BCL7A: variants seen among roughly 807,000 people sequenced by gnomAD.
BCL7A encodes the protein B-cell CLL/lymphoma 7 protein family member A.
A neutral mutation model predicts 28.4 loss-of-function variants in BCL7A; 11 were observed. The observed-to-expected ratio is 0.39, with a 90% CI of 0.24 to 0.64. The LOEUF is 0.64. Ranked by LOEUF, BCL7A falls within the 30% of genes least tolerant of loss-of-function variation. The probability of loss-of-function intolerance (pLI) is 0.50; values close to 1 mark genes in which losing one functional copy is unlikely to be tolerated. For synonymous variants in BCL7A, 123 were observed against 103.3 expected (o/e 1.19, Z -1.15); for missense variants, 222 against 274.8 (o/e 0.81, Z 1.36).
chr12:122,023,424 T>A (rs1033115700), intron 1 of BCL7A, among the ~76,000 whole-genome samples: 25 of 151,696 alleles, frequency 1.6e-4, no homozygotes, highest in African/African-American at 5.6e-4. Flanking sequence ...AGCGCCTCGG[T>A]CTCTAAAAGC....
intron 1 of BCL7A, among the ~76,000 whole-genome samples, chr12:122,024,322 T>C (rs896863708): frequency 6.6e-6 from 1 of 152,224 alleles, no homozygotes; most frequent in Non-Finnish European, 1.5e-5. Flanking sequence ...TGTGCTTGGC[T>C]TCCAGGTCCC....
chr12:122,022,634 G>C (rs1883491744), intron 1 of BCL7A, among the ~76,000 whole-genome samples: 1 of 145,438 alleles, frequency 6.9e-6, no homozygotes, highest in Admixed American at 6.8e-5. Context: ...CTCCGAGCGG[G>C]CCGCCGCCGC....
chr12:122,039,105 G>C (rs1345698155), intron 3 of BCL7A, among the ~76,000 whole-genome samples: 1 of 151,892 alleles, frequency 6.6e-6, no homozygotes, highest in Admixed American at 6.6e-5. Context: ...GACCATCCTG[G>C]CTAACACGGT....
chr12:122,028,144 G>A (rs902949222), intron 1 of BCL7A, among the ~76,000 whole-genome samples: 3 of 152,158 alleles, frequency 2.0e-5, no homozygotes, highest in Non-Finnish European at 4.4e-5. Context: ...TAATGTTCTT[G>A]CCTCTGTCCC....
intron 1 of BCL7A, among the ~76,000 whole-genome samples, chr12:122,027,845 A>T (rs937690035): frequency 6.6e-6 from 1 of 150,792 alleles, no homozygotes; most frequent in African/African-American, 2.5e-5. Flanking sequence ...TCAAAAAAAT[A>T]AAAAAAATAA....
intron 2 of BCL7A, among the ~76,000 whole-genome samples, chr12:122,033,460 C>T (rs1253581453): frequency 2.0e-5 from 3 of 152,122 alleles, no homozygotes; most frequent in Admixed American, 6.5e-5. Context: ...ACTACAGGCG[C>T]GCGCCACCAC....
At chr12:122,032,948 G>A (rs1420664913) in intron 2 of BCL7A, among the ~76,000 whole-genome samples, 1 of 152,178 alleles carries the variant, frequency 6.6e-6, no homozygotes, top group African/African-American at 2.4e-5. Context: ...GTCTCTGCAG[G>A]TTGAGGCTGG....
chr12:122,024,243 C>T (rs1883558686), intron 1 of BCL7A, among the ~76,000 whole-genome samples: 1 of 152,188 alleles, frequency 6.6e-6, no homozygotes. Flanking sequence ...GTCCAGCTTC[C>T]AGTTCACTTC....
rs547026636 is a variant in BCL7A at position 122,061,425 on chromosome 12, G to A, written c.*2262G>A. ...ATTGGGACCAGCTGGGCCCCACCAC[G>A]GCCACGCCAGGCAAAGCGCCAGCAG... On this transcript the variant is annotated 3_prime_UTR_variant, in exon 6 of 6. Transcript: ENST00000261822. The A allele has an allele frequency of 1.3e-5, 3 of 231,318 alleles. No homozygotes were observed. Among genetic ancestry groups the A allele is most frequent in the South Asian group, 3.6e-4 (2 of 5,492 alleles). 14.3% of individuals were successfully genotyped at this position (231,318 alleles called of 1,614,324 possible). A position where few individuals can be genotyped will look rare whatever the true frequency, so the allele number is the denominator to read the frequency against.
intron 1 of BCL7A, among the ~76,000 whole-genome samples, chr12:122,023,266 C>T (rs889319580): frequency 6.6e-6 from 1 of 152,204 alleles, no homozygotes; most frequent in Non-Finnish European, 1.5e-5. Flanking sequence ...CACGCCTTCA[C>T]TGGGGTCCCG....
At position 122,049,028 on chromosome 12, in the gene BCL7A, A is replaced by AT. The variant is rs1336587519; in HGVS notation, c.439+4975_439+4976insT. ...GAGAGTGAAACGTGTAAAAAAAAAA[A>AT]AAAAAAAATATATATATATATATAT... is the stretch of plus-strand genomic sequence containing the variant. On this transcript the variant is annotated intron_variant, in intron 4 of 5. Coordinates refer to ENST00000261822, the MANE Select transcript of BCL7A (RefSeq NM_001024808.3). Among the ~76,000 whole-genome samples, 392 of 75,568 alleles carry AT rather than the reference A, an allele frequency of 5.2e-3. 2 individuals carry two copies. The highest frequency in any genetic ancestry group is 7.7e-3 in the Non-Finnish European group (285 of 36,858). 49.6% of individuals were successfully genotyped at this position (75,568 alleles called of 152,430 possible).
chr12:122,043,093 C>G (rs1364411839), intron 3 of BCL7A, among the ~76,000 whole-genome samples: 1 of 151,848 alleles, frequency 6.6e-6, no homozygotes, highest in Non-Finnish European at 1.5e-5. Flanking sequence ...CTGTCTCTCT[C>G]TCCCTTTTAT....
chr12:122,022,911 G>C (rs1489249516), intron 1 of BCL7A, among the ~76,000 whole-genome samples: 1 of 152,174 alleles, frequency 6.6e-6, no homozygotes, highest in Non-Finnish European at 1.5e-5. Context: ...CGGGCGGGGG[G>C]CTCGGGCCAG....
At chr12:122,052,772 T>A (rs10770189) in intron 4 of BCL7A, among the ~76,000 whole-genome samples, 71,567 of 149,646 alleles carry the variant, frequency 0.48, 17,393 homozygotes, top group African/African-American at 0.59. Context: ...AACCTCCGCC[T>A]CCTGGGTTTA....
chr12:122,036,696 T>G (rs1883863424), intron 3 of BCL7A, among the ~76,000 whole-genome samples: 1 of 147,190 alleles, frequency 6.8e-6, no homozygotes, highest in South Asian at 2.2e-4. Flanking sequence ...CCCTCAGAGA[T>G]TCAAACCTAA....
At chr12:122,039,500 A>G (rs1389663543) in intron 3 of BCL7A, among the ~76,000 whole-genome samples, 7 of 140,410 alleles carry the variant, frequency 5.0e-5, no homozygotes, top group African/African-American at 1.8e-4. Context: ...ATATATATAT[A>G]TATATAATAT....
intron 3 of BCL7A, among the ~76,000 whole-genome samples, chr12:122,040,094 T>C (rs2135849595): frequency 6.6e-6 from 1 of 152,338 alleles, no homozygotes; most frequent in South Asian, 2.1e-4. Flanking sequence ...CGTTACATCA[T>C]TGCCTCATTT....
intron 4 of BCL7A, among the ~76,000 whole-genome samples, chr12:122,051,062 G>A (rs144778548): frequency 3.5e-3 from 534 of 152,324 alleles, no homozygotes; most frequent in Non-Finnish European, 5.2e-3. Context: ...TTGGGGGTGT[G>A]TGTCTCCTTT....
At position 122,029,301 on chromosome 12, in the gene BCL7A, G is replaced by C. The variant is rs541250761; in HGVS notation, c.93-1399G>C. On this transcript the variant is annotated intron_variant, in intron 1 of 5. Transcript: ENST00000261822. The surrounding 1 kb of genome is among the most constrained non-coding windows in gnomAD (Gnocchi z 4.3). ...GGGACCCGAGCGGGCAGGGTTTTTG[G>C]GGGTGAGGTGTCTGTGGTTTCGGCT... is the stretch of plus-strand genomic sequence containing the variant. 1.3e-5 allele frequency among the ~76,000 whole-genome samples: 2 copies of C among 152,262 alleles called. No individual in the cohort carries two copies. The highest frequency in any genetic ancestry group is 4.1e-4 in the South Asian group (2 of 4,826).
Sources: allele counts gnomAD v4.1 joint callset (sites outside exome capture counted in the v4.1 genomes callset), GRCh38; gene constraint gnomAD v4.1.1; non-coding constraint Gnocchi (gnomAD v3.1); transcripts MANE v1.5; gene names NCBI Gene and HGNC (gene_info 2026-07-23, HGNC 2026-07-21).